Variants in LRCH1 observed in about 807,000 individuals in gnomAD.
LRCH1 encodes leucine rich repeats and calponin homology domain containing 1.
In LRCH1, 23 loss-of-function variants were observed where a neutral mutation model predicts 94.9. The observed-to-expected ratio is 0.24, with a 90% CI of 0.17 to 0.34. The LOEUF is 0.34. LRCH1 is among the 10% of genes least tolerant of loss of function. The pLI, the probability that LRCH1 is intolerant of heterozygous loss-of-function variation, is 1.00. For synonymous variants in LRCH1, 364 were observed against 354.9 expected (o/e 1.03, Z -0.29); for missense variants, 790 against 945.9 (o/e 0.84, Z 2.16).
exon 19 of LRCH1, chr13:46,750,703 A>G: frequency 7.8e-7 from 1 of 1,286,174 alleles, no homozygotes; most frequent in Non-Finnish European, 1.1e-6. Context: ...CAGGATCCTG[A>G]ACTCTGCTCC....
chr13:46,668,595 T>G (rs1290576471), intron 2 of LRCH1, among the ~76,000 whole-genome samples: 1 of 151,952 alleles, frequency 6.6e-6, no homozygotes, highest in Non-Finnish European at 1.5e-5. Flanking sequence ...GTTGCTTTGG[T>G]CCAGCTGAGT....
chr13:46,745,453 A>T (rs1873872969), downstream of LRCH1, among the ~76,000 whole-genome samples: 1 of 151,998 alleles, frequency 6.6e-6, no homozygotes, highest in Non-Finnish European at 1.5e-5. Context: ...GTTTCCACTG[A>T]GACTTAGCAA....
chr13:46,573,867 T>TATATATATATATATATATATATA lies in LRCH1; in HGVS notation c.307+20164_307+20165insATATATATATATATATATATATA, dbSNP rs1555269135. On this transcript the variant is annotated intron_variant, in intron 1 of 19. Transcript: ENST00000389797. ...TCAAATATATATATATATATATATA[T>TATATATATATATATATATATATA]TTTTTTTTTTTTTGAGATGGAGTCT... Among the ~76,000 whole-genome samples the TATATATATATATATATATATATA allele has an allele frequency of 4.7e-4, 25 of 52,994 alleles. 1 individual carries two copies. The highest frequency in any genetic ancestry group is 1.5e-3 in the East Asian group (2 of 1,320). The allele number at this position is 52,994 out of a possible 152,430, so 34.8% of individuals were successfully genotyped here. A position where few individuals can be genotyped will look rare whatever the true frequency, so the allele number is the denominator to read the frequency against.
chr13:46,619,164 C>CAG (rs1206530484), intron 1 of LRCH1, among the ~76,000 whole-genome samples: 1 of 148,476 alleles, frequency 6.7e-6, no homozygotes, highest in Non-Finnish European at 1.5e-5. Context: ...GGCTGGAGTG[C>CAG]AGTGGCACGA....
At chr13:46,655,147 GATA>G (rs2051354287) in intron 2 of LRCH1, among the ~76,000 whole-genome samples, 1 of 152,198 alleles carries the variant, frequency 6.6e-6, no homozygotes, top group African/African-American at 2.4e-5. Flanking sequence ...TGATGGTGAT[GATA>G]ATGATGATGA....
At chr13:46,749,304 G>A (rs1175133054), downstream of LRCH1, among the ~76,000 whole-genome samples, 3 of 152,158 alleles carry the variant, frequency 2.0e-5, no homozygotes, top group South Asian at 2.1e-4. Flanking sequence ...CAAATACTGC[G>A]TGACCTCACT....
chr13:46,603,199 C>G (rs766147598), intron 1 of LRCH1, among the ~76,000 whole-genome samples: 1 of 152,000 alleles, frequency 6.6e-6, no homozygotes, highest in Non-Finnish European at 1.5e-5. Flanking sequence ...TTTATTTCTT[C>G]TTGGTGTGGC....
At chr13:46,655,102 A>G (rs1325984274) in intron 2 of LRCH1, among the ~76,000 whole-genome samples, 1 of 152,242 alleles carries the variant, frequency 6.6e-6, no homozygotes, top group Non-Finnish European at 1.5e-5. Flanking sequence ...TCAGCTGAGT[A>G]AACAGCCATA....
At chr13:46,697,132 T>C (rs1243039874) in intron 9 of LRCH1, among the ~76,000 whole-genome samples, 1 of 152,204 alleles carries the variant, frequency 6.6e-6, no homozygotes, top group Non-Finnish European at 1.5e-5. Context: ...TCTTGGACCT[T>C]TGCAACCACA....
intron 2 of LRCH1, among the ~76,000 whole-genome samples, chr13:46,656,876 CA>C (rs750487197): frequency 3.9e-5 from 6 of 152,208 alleles, no homozygotes; most frequent in Non-Finnish European, 8.8e-5. Context: ...TATTTCTTAT[CA>C]GATTGAATTC....
At chr13:46,666,925 C>A (rs560450935) in intron 2 of LRCH1, among the ~76,000 whole-genome samples, 51 of 152,176 alleles carry the variant, frequency 3.4e-4, no homozygotes, top group African/African-American at 1.2e-3. Flanking sequence ...GGCTGCTGGC[C>A]CTAGCTCCTC....
At chr13:46,711,131 A>C (rs1323039400) in intron 13 of LRCH1, among the ~76,000 whole-genome samples, 1 of 151,956 alleles carries the variant, frequency 6.6e-6, no homozygotes, top group Non-Finnish European at 1.5e-5. Context: ...ACATAGCTAA[A>C]CTGATACTAT....
chr13:46,578,690 A>G (rs112238385), intron 1 of LRCH1, among the ~76,000 whole-genome samples: 61 of 152,318 alleles, frequency 4.0e-4, no homozygotes, highest in African/African-American at 1.3e-3. Flanking sequence ...CAACTGGGGC[A>G]GTCCCTGAGA....
At chr13:46,699,810 C>T (rs1208830494) in intron 10 of LRCH1, among the ~76,000 whole-genome samples, 1 of 152,126 alleles carries the variant, frequency 6.6e-6, no homozygotes, top group African/African-American at 2.4e-5. Context: ...ACTTCTGGTC[C>T]CAAGACTTCT....
At chr13:46,588,460 C>T (rs899923036) in intron 1 of LRCH1, among the ~76,000 whole-genome samples, 2 of 152,002 alleles carry the variant, frequency 1.3e-5, no homozygotes, top group Admixed American at 1.3e-4. Context: ...GAATTTCATC[C>T]CTTCCTCCAG....
chr13:46,609,374 T>G (rs1460239444), intron 1 of LRCH1, among the ~76,000 whole-genome samples: 1 of 152,184 alleles, frequency 6.6e-6, no homozygotes, highest in East Asian at 1.9e-4. Context: ...TTCAAGCTTG[T>G]GTACCACTCG....
chr13:46,701,556 A>T (rs1022044072), intron 11 of LRCH1, among the ~76,000 whole-genome samples: 1 of 152,242 alleles, frequency 6.6e-6, no homozygotes, highest in Admixed American at 6.5e-5. Context: ...TAAAAAATAT[A>T]AAGAAAATGT....
At chr13:46,559,899 T>G (rs1159371977) in intron 1 of LRCH1, among the ~76,000 whole-genome samples, 1 of 152,186 alleles carries the variant, frequency 6.6e-6, no homozygotes, top group Non-Finnish European at 1.5e-5. Context: ...GTGCGTGTGT[T>G]ACTGTAATGA....
chr13:46,626,854 AT>A (rs2050956703), intron 1 of LRCH1, among the ~76,000 whole-genome samples: 1 of 152,126 alleles, frequency 6.6e-6, no homozygotes, highest in African/African-American at 2.4e-5. Context: ...TTTATGCAAG[AT>A]TTTTTTAAAA....
Sources: allele counts gnomAD v4.1 joint callset (sites outside exome capture counted in the v4.1 genomes callset), GRCh38; gene constraint gnomAD v4.1.1; transcripts MANE v1.5; gene names NCBI Gene and HGNC (gene_info 2026-07-23, HGNC 2026-07-21).